KIF26A: variants seen among roughly 807,000 people sequenced by gnomAD.
KIF26A encodes the protein kinesin family member 26A.
KIF26A carries 74 observed loss-of-function variants against 126.0 expected under a neutral mutation model. That is an observed-to-expected ratio of 0.59 (90% CI 0.49 to 0.71). The LOEUF is 0.71. Ranked by LOEUF, KIF26A falls within the 30% of genes least tolerant of loss-of-function variation. KIF26A has a pLI of 0.00. For synonymous variants in KIF26A, 1,445 were observed against 1,232.7 expected (o/e 1.17, Z -3.61); for missense variants, 2,984 against 2,763.3 (o/e 1.08, Z -1.79).
intron 5 of KIF26A, among the ~76,000 whole-genome samples, chr14:104,169,558 C>T (rs2037938300): frequency 6.6e-6 from 1 of 152,214 alleles, no homozygotes. Flanking sequence ...CCCCCAGCTC[C>T]CCGGGTGTTA....
chr14:104,173,412 C>T lies in KIF26A; in HGVS notation c.1766C>T (p.Thr589Ile), dbSNP rs879831661. The change falls in exon 9 of 15, where the codon ACC (threonine) becomes ATC (isoleucine). Residue 589 changes from threonine (T) to isoleucine (I), a missense_variant. Physicochemically the swap from Thr to Ile is moderately conservative, Grantham distance 89 (BLOSUM62 -1). Coordinates refer to ENST00000423312, the MANE Select transcript of KIF26A (RefSeq NM_015656.2). The stretch of plus-strand genomic sequence containing the variant: ...GATGCGGCCCTGGCGGCCCGCAGCA[C>T]CAGCCGAGCGGGCTGTGGCGAGGAC... Reference protein sequence around the residue: ...YLDAALAARSTSRAGCGEDAR... With the variant: ...YLDAALAARSISRAGCGEDAR... 1.6e-5 allele frequency: 25 copies of T among 1,583,702 alleles called. No individual in the cohort carries two copies. Among genetic ancestry groups the T allele is most frequent in the Non-Finnish European group, 2.1e-5 (25 of 1,166,146 alleles).
At chr14:104,141,347 G>A (rs1389348902) in intron 2 of KIF26A, among the ~76,000 whole-genome samples, 1 of 152,224 alleles carries the variant, frequency 6.6e-6, no homozygotes, top group Non-Finnish European at 1.5e-5. Context: ...GTATTTTTTA[G>A]GGGAGAGATG....
rs1433111995 is a variant in KIF26A, at chr14:104,180,107, C to G, written c.*317C>G. 6.9e-6 allele frequency: 2 copies of G among 291,532 alleles called. No homozygotes were observed. The highest frequency in any genetic ancestry group is 6.4e-6 in the Non-Finnish European group (1 of 157,448). The allele number at this position is 291,532 out of a possible 1,614,324, so 18.1% of individuals were successfully genotyped here. ...CCAGCAGAAGTTGTGTTCAGCCCGG[C>G]CCCGCTGCGCCTGTCCGGGCCGGGG... On this transcript the variant is annotated 3_prime_UTR_variant, in exon 15 of 15. Coordinates refer to ENST00000423312, the MANE Select transcript of KIF26A (RefSeq NM_015656.2).
Position 104,180,306 on chromosome 14 carries a change from TC to T in KIF26A, c.*517del. On this transcript the variant is annotated 3_prime_UTR_variant, in exon 15 of 15. Transcript: ENST00000423312. ...GGGTTGTGGGGGATCTGTGTGGGGT[TC>T]TCAACGCAGATCCATCCTGGGGTCT... 1 of 151,952 alleles carries T rather than the reference TC, an allele frequency of 6.6e-6. No individual in the cohort carries two copies. The highest frequency in any genetic ancestry group is 3.4e-3 in the Middle Eastern group (1 of 294). 9.4% of individuals were successfully genotyped at this position (151,952 alleles called of 1,614,324 possible).
intron 5 of KIF26A, among the ~76,000 whole-genome samples, chr14:104,167,334 A>G (rs1007528638): frequency 4.6e-5 from 7 of 152,010 alleles, no homozygotes; most frequent in Admixed American, 1.3e-4. Context: ...CGGGGCTCCC[A>G]GGGACTAAGG....
chr14:104,162,788 T>A (rs891295261), intron 4 of KIF26A, among the ~76,000 whole-genome samples: 1 of 152,094 alleles, frequency 6.6e-6, no homozygotes, highest in Admixed American at 6.5e-5. Flanking sequence ...CCCACATCCA[T>A]TTCCAGAGGA....
At chr14:104,142,789 C>T (rs1048699019) in intron 2 of KIF26A, among the ~76,000 whole-genome samples, 2 of 152,242 alleles carry the variant, frequency 1.3e-5, no homozygotes, top group Non-Finnish European at 2.9e-5. Context: ...GGAGCTCTGC[C>T]AGGTCAGGCA....
rs2037994111 is a variant in KIF26A, at chr14:104,174,376, C to T, written c.2193+66C>T. The T allele has an allele frequency of 2.8e-6, 4 of 1,411,438 alleles. No individual in the cohort carries two copies. The South Asian group carries it at 4.6e-5, about 16-fold the overall frequency. 87.4% of individuals were successfully genotyped at this position (1,411,438 alleles called of 1,614,324 possible). ...CGGCTCCTGTGTCCACTGCAGGCCT[C>T]TGCTGGCCTGGTTGGGGTGGGGGTC... On this transcript the variant is annotated intron_variant, in intron 11 of 14. Transcript: ENST00000423312.
chr14:104,165,472 CCT>C (rs1377117433), intron 4 of KIF26A, among the ~76,000 whole-genome samples: 1,518 of 66,758 alleles, frequency 0.023, 60 homozygotes, highest in African/African-American at 0.1. Flanking sequence ...TGTGTGTGGG[CCT>C]CTGTGTATGT....
chr14:104,172,568 C>T lies in KIF26A; in HGVS notation c.1327-7C>T. The stretch of plus-strand genomic sequence containing the variant: ...CACAGCCCTGCCTGATTCTCTTGCC[C>T]CCCTAGGCCGAAGTCTGCTCGGGGA... On this transcript the variant is annotated splice_polypyrimidine_tract_variant and splice_region_variant and intron_variant, in intron 6 of 14. Coordinates refer to ENST00000423312, the MANE Select transcript of KIF26A (RefSeq NM_015656.2). The T allele has an allele frequency of 1.9e-6, 3 of 1,610,128 alleles. No homozygotes were observed. Among genetic ancestry groups the T allele is most frequent in the Middle Eastern group, 3.3e-4 (2 of 6,052 alleles).
chr14:104,141,110 A>T (rs1455815362), intron 2 of KIF26A, among the ~76,000 whole-genome samples: 3 of 152,278 alleles, frequency 2.0e-5, no homozygotes, highest in African/African-American at 7.2e-5. Flanking sequence ...AGTCCCAGCA[A>T]AATTGCAGCC....
At chr14:104,157,129 G>A (rs1163927020) in intron 3 of KIF26A, among the ~76,000 whole-genome samples, 2 of 152,182 alleles carry the variant, frequency 1.3e-5, no homozygotes, top group Non-Finnish European at 2.9e-5. Flanking sequence ...AACGTGCGGA[G>A]GTGGAGCTCA....
chr14:104,173,370 A>G lies in KIF26A; in HGVS notation c.1724A>G (p.Lys575Arg), dbSNP rs1159584807. ...QSELRAPTAE[K>R]AAFYLDAALA... ...GAGCTGCGGGCACCCACGGCCGAGA[A>G]GGCGGCTTTCTACCTGGATGCGGCC... The change falls in exon 9 of 15, where the codon AAG becomes AGG. Residue 575 changes from lysine (K) to arginine (R), a missense_variant. Transcript: ENST00000423312. 1 of 1,596,736 alleles carries G rather than the reference A, an allele frequency of 6.3e-7. No individual in the cohort carries two copies. Among genetic ancestry groups the G allele is most frequent in the Non-Finnish European group, 8.5e-7 (1 of 1,172,676 alleles).
intron 2 of KIF26A, among the ~76,000 whole-genome samples, chr14:104,145,616 G>A (rs553004959): frequency 0.32 from 86 of 272 alleles, no homozygotes; most frequent in Middle Eastern, 0.5. Context: ...TGTTTCTGGC[G>A]GAGGTGCCGC....
chr14:104,154,648 A>C (rs1332675923), intron 3 of KIF26A, among the ~76,000 whole-genome samples: 1 of 152,222 alleles, frequency 6.6e-6, no homozygotes, highest in Non-Finnish European at 1.5e-5. Flanking sequence ...GGCCCACCCC[A>C]GTGCCCTGCC....
Position 104,177,357 on chromosome 14 carries a change from G to A in KIF26A, c.4569G>A (p.Thr1523=), listed in dbSNP as rs1050924011. The A allele has an allele frequency of 1.1e-5, 16 of 1,490,806 alleles. No homozygotes were observed. Among genetic ancestry groups the A allele is most frequent in the African/African-American group, 4.2e-5 (3 of 71,546 alleles). The allele number at this position is 1,490,806 out of a possible 1,614,324, so 92.3% of individuals were successfully genotyped here. Residue 1523 remains threonine, a synonymous_variant, in exon 12 of 15, where the codon ACG becomes ACA. Transcript: ENST00000423312. ...PSVKLSTASV[T]GRSPGGPVAG... The stretch of plus-strand genomic sequence containing the variant: ...TGAAGCTGTCTACGGCCTCTGTGAC[G>A]GGCAGGAGCCCTGGCGGCCCTGTGG...
chr14:104,143,246 C>T (rs796346489), intron 2 of KIF26A, among the ~76,000 whole-genome samples: 17 of 152,344 alleles, frequency 1.1e-4, no homozygotes, highest in African/African-American at 4.1e-4. Context: ...CGCAGCTGAA[C>T]AGTGAGGGAA....
At chr14:104,174,914 G>A in intron 11 of KIF26A, 68 bp from the exon 12 acceptor site, 5 of 1,438,086 alleles carry the variant, frequency 3.5e-6, no homozygotes, top group Non-Finnish European at 4.6e-6. Flanking sequence ...CTGTGCTCTG[G>A]GGAGGGTCGG....
rs375452043 is a variant in KIF26A at position 104,176,738 on chromosome 14, C to T, written c.3950C>T (p.Thr1317Met). ...RRGATTLGVT[T>M]PAVSWGDAPT... ...GGTGCCACCACGCTGGGTGTGACAA[C>T]GCCAGCTGTGTCCTGGGGAGATGCT... Residue 1317 changes from threonine to methionine, a missense_variant, in exon 12 of 15, where the codon ACG becomes ATG. Physicochemically the swap from Thr to Met is moderately conservative, Grantham distance 81. Coordinates refer to ENST00000423312, the MANE Select transcript of KIF26A (RefSeq NM_015656.2). The T allele has an allele frequency of 4.2e-5, 67 of 1,587,790 alleles. No individual in the cohort carries two copies. The African/African-American group carries it at 6.3e-4, about 15-fold the overall frequency.
Sources: gnomAD v4.1 joint callset for allele counts (sites outside exome capture counted in the v4.1 genomes callset) on GRCh38, gnomAD v4.1.1 for gene constraint, MANE v1.5 for transcripts, NCBI Gene and HGNC (gene_info 2026-07-23, HGNC 2026-07-21) for gene names.